The following PIK3C3 variants were observed in gnomAD, a reference collection of about 807,000 sequenced individuals.
PIK3C3 encodes the protein PI3-kinase type 3.
A neutral mutation model predicts 126.1 loss-of-function variants in PIK3C3; 95 were observed. The observed-to-expected ratio is 0.75, with a 90% CI of 0.64 to 0.89. The LOEUF (loss-of-function observed/expected upper bound fraction) is 0.89, where lower values mean the gene tolerates loss of function less well. Among genes scored for constraint, PIK3C3 ranks in the 40% least tolerant of loss-of-function variants. The pLI, the probability that PIK3C3 is intolerant of heterozygous loss-of-function variation, is 0.00. For missense variants in PIK3C3, 829 were observed against 1,063.2 expected (o/e 0.78, Z 3.06); for synonymous variants, 374 against 360.0 (o/e 1.04, Z -0.44).
rs562352040 is a variant in PIK3C3 at position 42,028,171 on chromosome 18, C to G, written c.1590+623C>G. Among the ~76,000 whole-genome samples the G allele has an allele frequency of 2.6e-5, 4 of 151,828 alleles. No individual in the cohort carries two copies. The South Asian group carries it at 8.4e-4, about 32-fold the overall frequency. On this transcript the variant is annotated intron_variant, in intron 14 of 24. Coordinates refer to ENST00000262039, the MANE Select transcript of PIK3C3 (RefSeq NM_002647.4). ...AGACCTAAAATATTTACTCTTTGACCCTTTACAGAAGTTTTCTTGATCCCT... is the reference window on the plus strand; with the variant it reads ...AGACCTAAAATATTTACTCTTTGACGCTTTACAGAAGTTTTCTTGATCCCT...
At chr18:41,969,306 G>GAA (rs1365610851) in intron 3 of PIK3C3, among the ~76,000 whole-genome samples, 3 of 152,040 alleles carry the variant, frequency 2.0e-5, no homozygotes, top group African/African-American at 4.8e-5. Context: ...CTTTATGTTT[G>GAA]AAAATTCTTG....
At chr18:42,043,984 G>A (rs1207414119) in intron 20 of PIK3C3, among the ~76,000 whole-genome samples, 167 bp downstream of exon 20, 2 of 152,168 alleles carry the variant, frequency 1.3e-5, no homozygotes, top group African/African-American at 4.8e-5. Context: ...TGACATAATA[G>A]TATTAACAAG....
rs139708799 is a variant in PIK3C3, at chr18:42,081,549, T to G, written c.*412T>G. 987 of 169,208 alleles carry G rather than the reference T, an allele frequency of 5.8e-3. 5 individuals carry two copies. The highest frequency in any genetic ancestry group is 0.022 in the African/African-American group (925 of 42,274). The allele number at this position is 169,208 out of a possible 1,614,324, so 10.5% of individuals were successfully genotyped here. The stretch of plus-strand genomic sequence containing the variant: ...GTAACCTGAATTTAGATTGTCACAG[T>G]TTACAAGTTTTTGTTTGTTCCTTCT... On this transcript the variant is annotated 3_prime_UTR_variant, in exon 25 of 25. Coordinates refer to ENST00000262039, the MANE Select transcript of PIK3C3 (RefSeq NM_002647.4).
At chr18:41,969,906 A>G (rs1980569396) in intron 3 of PIK3C3, among the ~76,000 whole-genome samples, 1 of 152,216 alleles carries the variant, frequency 6.6e-6, no homozygotes, top group Non-Finnish European at 1.5e-5. Flanking sequence ...TTGACTATAT[A>G]GTCTACTGTA....
chr18:42,001,601 G>C (rs1161062580), intron 9 of PIK3C3, among the ~76,000 whole-genome samples: 1 of 151,902 alleles, frequency 6.6e-6, no homozygotes, highest in African/African-American at 2.4e-5. Flanking sequence ...CATTCTGTTG[G>C]CTCCTTGTTT....
At chr18:41,966,332 G>T (rs1980366980) in intron 3 of PIK3C3, among the ~76,000 whole-genome samples, 1 of 151,898 alleles carries the variant, frequency 6.6e-6, no homozygotes, top group African/African-American at 2.4e-5. Flanking sequence ...ACCGTGCCCA[G>T]CTAATTTTTG....
chr18:41,983,215 C>T (rs1036400316), intron 4 of PIK3C3, among the ~76,000 whole-genome samples: 3 of 152,086 alleles, frequency 2.0e-5, no homozygotes, highest in Non-Finnish European at 2.9e-5. Flanking sequence ...GGGCAGAGAA[C>T]TTGCTTCTTT....
intron 15 of PIK3C3, among the ~76,000 whole-genome samples, chr18:42,031,309 G>A (rs571736368): frequency 6.6e-6 from 1 of 152,282 alleles, no homozygotes; most frequent in African/African-American, 2.4e-5. Context: ...TGTCAAATGA[G>A]TAAAGAAGAT....
intron 4 of PIK3C3, among the ~76,000 whole-genome samples, chr18:41,986,970 T>G (rs180988209): frequency 6.6e-6 from 1 of 152,130 alleles, no homozygotes; most frequent in Non-Finnish European, 1.5e-5. Flanking sequence ...GCAAGAGAGA[T>G]GAAATTGGTG....
chr18:42,039,717 T>C (rs922654467), intron 18 of PIK3C3, among the ~76,000 whole-genome samples: 2 of 152,254 alleles, frequency 1.3e-5, no homozygotes, highest in Non-Finnish European at 2.9e-5. Flanking sequence ...CGATCCCTAC[T>C]GTAAGTTAGG....
chr18:42,028,982 A>G (rs939923381), intron 14 of PIK3C3, among the ~76,000 whole-genome samples: 2 of 152,190 alleles, frequency 1.3e-5, no homozygotes, highest in South Asian at 2.1e-4. Context: ...ACATTTCTGC[A>G]TCATAAGCCA....
At chr18:42,038,490 C>T (rs1271729613) in intron 17 of PIK3C3, among the ~76,000 whole-genome samples, 3 of 151,874 alleles carry the variant, frequency 2.0e-5, no homozygotes, top group Admixed American at 6.6e-5. Flanking sequence ...TACAGGCATG[C>T]ACCACCACGC....
At chr18:41,961,428 A>T (rs910578456) in intron 2 of PIK3C3, among the ~76,000 whole-genome samples, 2 of 152,222 alleles carry the variant, frequency 1.3e-5, no homozygotes, top group Non-Finnish European at 2.9e-5. Context: ...TTTCTTAAGC[A>T]TGTGATTAAA....
Position 41,980,825 on chromosome 18 carries a change from C to T in PIK3C3, c.532-6987C>T, listed in dbSNP as rs370159055. ...TGTATGTGTTTTAGAGGAAGAAAAA[C>T]GGTGTCCTAAAGAGTTGAAGAATGC... On this transcript the variant is annotated intron_variant, in intron 4 of 24. Coordinates refer to ENST00000262039, the MANE Select transcript of PIK3C3 (RefSeq NM_002647.4). Among the ~76,000 whole-genome samples, 19 of 152,114 alleles carry T rather than the reference C, an allele frequency of 1.2e-4. No individual in the cohort carries two copies. The East Asian group carries it at 2.9e-3, about 23-fold the overall frequency.
intron 3 of PIK3C3, among the ~76,000 whole-genome samples, chr18:41,963,097 A>G (rs879489948): frequency 4.6e-5 from 7 of 152,186 alleles, no homozygotes; most frequent in African/African-American, 9.6e-5. Flanking sequence ...TGTTAAAAAA[A>G]AAATCCCATA....
At chr18:41,990,600 G>A in intron 6 of PIK3C3, 46 bp downstream of exon 6, 3 of 978,946 alleles carry the variant, frequency 3.1e-6, no homozygotes, top group Non-Finnish European at 4.8e-6. Context: ...AGAGGGGAGA[G>A]GAAACATTAA....
At chr18:42,056,744 G>A (rs909010659) in intron 21 of PIK3C3, among the ~76,000 whole-genome samples, 2 of 152,068 alleles carry the variant, frequency 1.3e-5, no homozygotes, top group East Asian at 1.9e-4. Context: ...TGGTAAAATG[G>A]TTAACAGAAA....
chr18:42,052,244 C>T (rs922964394), intron 21 of PIK3C3, among the ~76,000 whole-genome samples: 8 of 151,926 alleles, frequency 5.3e-5, no homozygotes, highest in African/African-American at 1.9e-4. Flanking sequence ...TTTTTTGGCC[C>T]AGGTCTCAGT....
At position 41,955,317 on chromosome 18, in the gene PIK3C3, A is replaced by T; in HGVS notation, c.26A>T (p.Tyr9Phe). 1 of 1,613,610 alleles carries T rather than the reference A, an allele frequency of 6.2e-7. No homozygotes were observed. The highest frequency in any genetic ancestry group is 1.1e-5 in the South Asian group (1 of 91,026). MGEAEKFHYIYSCDLDINV... is the reference protein window; with the variant it reads MGEAEKFHFIYSCDLDINV... ...ATGGGGGAAGCAGAGAAGTTTCACTACATCTATAGTTGTGACCTGGATATC... is the reference window on the plus strand; with the variant it reads ...ATGGGGGAAGCAGAGAAGTTTCACTTCATCTATAGTTGTGACCTGGATATC... The change falls in exon 1 of 25, where the codon TAC becomes TTC. Residue 9 changes from tyrosine to phenylalanine, a missense_variant. Around this residue, in one of 4 missense-constraint regions of PIK3C3, gnomAD observed 313 missense variants for 340.7 expected, o/e 0.92. Transcript: ENST00000262039.
Sources: gnomAD v4.1 joint callset for allele counts (sites outside exome capture counted in the v4.1 genomes callset) on GRCh38, gnomAD v4.1.1 for gene constraint, gnomAD v4.1.1 regional missense constraint, MANE v1.5 for transcripts, NCBI Gene and HGNC (gene_info 2026-07-23, HGNC 2026-07-21) for gene names.